Variants in ITPK1 observed in about 807,000 individuals in gnomAD.
ITPK1 encodes the protein inositol 1,3,4-trisphosphate 5/6-kinase.
A neutral mutation model predicts 45.3 loss-of-function variants in ITPK1; 21 were observed. The observed-to-expected ratio is 0.46, with a 90% CI of 0.33 to 0.67. The LOEUF is 0.67. Ranked by LOEUF, ITPK1 falls within the 30% of genes least tolerant of loss-of-function variation. The pLI is 0.02. For synonymous variants in ITPK1, 258 were observed against 253.6 expected, an observed-to-expected ratio of 1.02 and a Z score of -0.16; for missense variants, 474 against 573.5, an observed-to-expected ratio of 0.83 and a Z score of 1.77.
chr14:93,081,375 C>G (rs1891429025), intron 2 of ITPK1, among the ~76,000 whole-genome samples: 1 of 152,088 alleles, frequency 6.6e-6, no homozygotes, highest in South Asian at 2.1e-4. Context: ...ATTTTACAGG[C>G]TCTAAACTGT....
chr14:92,945,513 G>A (rs542830218), intron 10 of ITPK1, among the ~76,000 whole-genome samples: 1 of 152,364 alleles, frequency 6.6e-6, no homozygotes, highest in Non-Finnish European at 1.5e-5. Flanking sequence ...GCTTTACAAG[G>A]GTCAGGATGG....
intron 5 of ITPK1, among the ~76,000 whole-genome samples, chr14:92,971,091 C>T (rs1333321798): frequency 6.6e-6 from 1 of 152,142 alleles, no homozygotes; most frequent in Non-Finnish European, 1.5e-5. Context: ...ATGGGTCAGG[C>T]ACCCTCTTCC....
At chr14:93,072,592 G>T (rs1019973342) in intron 3 of ITPK1, among the ~76,000 whole-genome samples, 5 of 150,620 alleles carry the variant, frequency 3.3e-5, no homozygotes, top group African/African-American at 1.2e-4. Context: ...CAGTAATCTA[G>T]TCATCTCTTA....
intron 2 of ITPK1, among the ~76,000 whole-genome samples, chr14:93,088,655 CTCT>C (rs1158705104): frequency 6.6e-6 from 1 of 151,972 alleles, no homozygotes; most frequent in Non-Finnish European, 1.5e-5. Flanking sequence ...TGCACCAGGC[CTCT>C]TTTTTTATTT....
chr14:92,953,630 G>A lies in ITPK1; in HGVS notation c.671-1617C>T, dbSNP rs73330373. 3.6e-3 allele frequency among the ~76,000 whole-genome samples: 545 copies of A among 152,312 alleles called. 3 individuals carry two copies. The highest frequency in any genetic ancestry group is 0.012 in the African/African-American group (514 of 41,566). Reference sequence around the variant, plus strand: ...TCCTGAATAGCAGTTGCCGAATGGCGGAGAAGGCCCAGGGGGAGGAAGGGC... The same window carrying A: ...TCCTGAATAGCAGTTGCCGAATGGCAGAGAAGGCCCAGGGGGAGGAAGGGC... On this transcript the variant is annotated intron_variant, in intron 8 of 10. Transcript: ENST00000267615.
In ITPK1 at chr14:92,942,658, C is replaced by G. The variant is rs145301018; in HGVS notation, c.902-754G>C. ...CCAGGGCGCAGCATCACATGCTCCC[C>G]TTAACAGAGGGGAACAGAACAGAAA... On this transcript the variant is annotated intron_variant, in intron 10 of 10. Transcript: ENST00000267615. 2.6e-4 allele frequency among the ~76,000 whole-genome samples: 40 copies of G among 152,312 alleles called. No individual in the cohort carries two copies. In the East Asian group the frequency reaches 4.3e-3, roughly 16 times the overall value.
intron 5 of ITPK1, among the ~76,000 whole-genome samples, chr14:92,991,016 G>C (rs947894086): frequency 5.3e-5 from 8 of 151,032 alleles, no homozygotes; most frequent in Non-Finnish European, 1.0e-4. Context: ...GGGCAGGGGG[G>C]GTGACAACCG....
At chr14:93,074,036 A>G (rs989968055) in intron 3 of ITPK1, among the ~76,000 whole-genome samples, 1 of 152,200 alleles carries the variant, frequency 6.6e-6, no homozygotes, top group African/African-American at 2.4e-5. Context: ...GATCCTGCGC[A>G]CAGAAGCCCA....
chr14:92,998,644 T>C (rs1887181074), intron 4 of ITPK1, among the ~76,000 whole-genome samples: 1 of 152,130 alleles, frequency 6.6e-6, no homozygotes, highest in African/African-American at 2.4e-5. Context: ...CATTCTCTCT[T>C]CTCAAATATT....
intron 3 of ITPK1, among the ~76,000 whole-genome samples, chr14:93,035,858 C>T (rs961104444): frequency 2.6e-5 from 4 of 152,220 alleles, no homozygotes; most frequent in African/African-American, 9.6e-5. Context: ...CACCTCCCAC[C>T]AGAAACCAGC....
chr14:93,081,179 T>A (rs1406812624), intron 2 of ITPK1, among the ~76,000 whole-genome samples: 1 of 151,532 alleles, frequency 6.6e-6, no homozygotes, highest in Non-Finnish European at 1.5e-5. Context: ...TATAAGAATA[T>A]AAAAATTAGC....
At chr14:93,095,149 C>T (rs910102243) in intron 2 of ITPK1, among the ~76,000 whole-genome samples, 5 of 152,150 alleles carry the variant, frequency 3.3e-5, no homozygotes, top group South Asian at 2.1e-4. Context: ...TCCAGCACCC[C>T]GCATGGTGTC....
At chr14:93,019,736 C>T (rs953212929) in intron 3 of ITPK1, among the ~76,000 whole-genome samples, 2 of 152,124 alleles carry the variant, frequency 1.3e-5, no homozygotes, top group African/African-American at 4.8e-5. Flanking sequence ...CCCTTGGGTG[C>T]GGCCCCCACA....
At position 93,078,639 on chromosome 14, in the gene ITPK1, A is replaced by T. The variant is rs189254532; in HGVS notation, c.96-2020T>A. On this transcript the variant is annotated intron_variant, in intron 2 of 10. Transcript: ENST00000267615. Reference sequence around the variant, plus strand: ...GGACAGGGGAGATACACAACAGCATAGCCCTGGGCCACCACAGCCCACAGC... The same window carrying T: ...GGACAGGGGAGATACACAACAGCATTGCCCTGGGCCACCACAGCCCACAGC... Among the ~76,000 whole-genome samples, 309 of 152,214 alleles carry T rather than the reference A, an allele frequency of 2.0e-3. 2 individuals carry two copies. The highest frequency in any genetic ancestry group is 7.2e-3 in the African/African-American group (298 of 41,508).
At chr14:92,990,874 G>T (rs979797741) in intron 5 of ITPK1, among the ~76,000 whole-genome samples, 1 of 152,138 alleles carries the variant, frequency 6.6e-6, no homozygotes, top group Non-Finnish European at 1.5e-5. Flanking sequence ...CAAAGCAGGG[G>T]CTCTGGTCGT....
rs543730643 is a variant in ITPK1 at position 93,049,993 on chromosome 14, T to G, written c.120+26602A>C. On this transcript the variant is annotated intron_variant, in intron 3 of 10. Coordinates refer to ENST00000267615, the MANE Select transcript of ITPK1 (RefSeq NM_014216.6). ...CTTGGCAAAGGTTCTAGGCCTGCCA[T>G]GGGGGTGGGCGCCGACAATCCCTGC... Among the ~76,000 whole-genome samples the G allele has an allele frequency of 3.3e-5, 5 of 152,104 alleles. No individual in the cohort carries two copies. In the South Asian group the frequency reaches 1.0e-3, roughly 32 times the overall value.
chr14:93,030,027 T>G lies in ITPK1; in HGVS notation c.121-13226A>C, dbSNP rs538845164. Reference sequence around the variant, plus strand: ...TCTCTCTGCACTTCCCACAGAGGATTTCAGATCCAGGACTGCACCACCTGG... The same window carrying G: ...TCTCTCTGCACTTCCCACAGAGGATGTCAGATCCAGGACTGCACCACCTGG... On this transcript the variant is annotated intron_variant, in intron 3 of 10. Transcript: ENST00000267615. 3.3e-5 allele frequency among the ~76,000 whole-genome samples: 5 copies of G among 152,302 alleles called. No homozygotes were observed. The South Asian group carries it at 1.0e-3, about 32-fold the overall frequency.
At chr14:92,965,087 C>T (rs1388267533) in intron 5 of ITPK1, among the ~76,000 whole-genome samples, 1 of 152,198 alleles carries the variant, frequency 6.6e-6, no homozygotes, top group African/African-American at 2.4e-5. Flanking sequence ...GACCATCTGA[C>T]TCCCAGGCCC....
At chr14:92,976,186 C>T (rs972596745) in intron 5 of ITPK1, among the ~76,000 whole-genome samples, 1 of 152,220 alleles carries the variant, frequency 6.6e-6, no homozygotes, top group Non-Finnish European at 1.5e-5. Context: ...ACCACCAGCT[C>T]TCCTAGGTCT....
Sources: allele counts gnomAD v4.1 joint callset (sites outside exome capture counted in the v4.1 genomes callset), GRCh38; gene constraint gnomAD v4.1.1; transcripts MANE v1.5; gene names NCBI Gene and HGNC (gene_info 2026-07-23, HGNC 2026-07-21).